R3HDM1: variants seen among roughly 807,000 people sequenced by gnomAD.
The protein encoded by R3HDM1 is R3H domain-containing protein 1.
R3HDM1 carries 46 observed loss-of-function variants against 141.1 expected under a neutral mutation model. The observed-to-expected ratio is 0.33, with a 90% CI of 0.26 to 0.42. The LOEUF is 0.42. Ranked by LOEUF, R3HDM1 falls within the 10% of genes least tolerant of loss-of-function variation. R3HDM1 has a pLI of 1.00. For missense variants in R3HDM1, 1,184 were observed against 1,368.3 expected (o/e 0.87, Z 2.12); for synonymous variants, 435 against 472.9 (o/e 0.92, Z 1.04).
chr2:135,670,261 A>G, intron 19 of R3HDM1: 3 of 926,308 alleles, frequency 3.2e-6, no homozygotes, highest in Non-Finnish European at 3.9e-6. Context: ...ATTATATTTT[A>G]AGTGAAAAGA....
At chr2:135,632,279 G>A (rs2062785715) in intron 9 of R3HDM1, among the ~76,000 whole-genome samples, 1 of 150,940 alleles carries the variant, frequency 6.6e-6, no homozygotes, top group African/African-American at 2.4e-5. Context: ...ACCACTCTTA[G>A]GGATTTTTAA....
In R3HDM1 at chr2:135,645,373, T is replaced by C; in HGVS notation, c.1475-6T>C. On this transcript the variant is annotated splice_polypyrimidine_tract_variant and splice_region_variant and intron_variant, in intron 15 of 26. Transcript: ENST00000683871. ...TTATTTTTTTCCCTCTTTTTGAATT[T>C]TTCAGGTCAGCCCTTCATAAACCCA... 1 of 1,584,174 alleles carries C rather than the reference T, an allele frequency of 6.3e-7. No individual in the cohort carries two copies. Among genetic ancestry groups the C allele is most frequent in the Non-Finnish European group, 8.6e-7 (1 of 1,161,664 alleles).
At chr2:135,580,209 C>T (rs926201345) in intron 1 of R3HDM1, among the ~76,000 whole-genome samples, 3 of 152,112 alleles carry the variant, frequency 2.0e-5, no homozygotes, top group African/African-American at 7.2e-5. Flanking sequence ...TGAGATCGCA[C>T]CACTGCACTC....
intron 3 of R3HDM1, among the ~76,000 whole-genome samples, chr2:135,613,177 C>T (rs2060701273): frequency 6.6e-6 from 1 of 152,108 alleles, no homozygotes; most frequent in Non-Finnish European, 1.5e-5. Flanking sequence ...CAGGCTGGGC[C>T]CTTTTCTGAA....
At position 135,685,553 on chromosome 2, in the gene R3HDM1, C is replaced by A. The variant is rs16831933; in HGVS notation, c.2459+5229C>A. On this transcript the variant is annotated intron_variant, in intron 21 of 26. Coordinates refer to ENST00000683871, the MANE Select transcript of R3HDM1 (RefSeq NM_001378107.1). ...GCCTGTATTTGTTTGTGTATTTCAC[C>A]ACACTGTACTTGTAACTGATGACTA... Among the ~76,000 whole-genome samples, 275 of 152,176 alleles carry A rather than the reference C, an allele frequency of 1.8e-3. 3 individuals are homozygous for A. Among genetic ancestry groups the A allele is most frequent in the African/African-American group, 6.4e-3 (265 of 41,512 alleles).
Position 135,715,578 on chromosome 2 carries a change from T to C in R3HDM1, c.2765T>C (p.Ile922Thr), listed in dbSNP as rs372275898. 2.2e-4 allele frequency: 361 copies of C among 1,614,134 alleles called. 1 individual carries two copies. The highest frequency in any genetic ancestry group is 2.8e-4 in the Non-Finnish European group (326 of 1,179,974). The change falls in exon 24 of 27, where the codon ATT (isoleucine) becomes ACT (threonine). Residue 922 changes from isoleucine (I) to threonine (T), a missense_variant. Coordinates refer to ENST00000683871, the MANE Select transcript of R3HDM1 (RefSeq NM_001378107.1). The stretch of plus-strand genomic sequence containing the variant: ...AGCCCTCAACTCAGTAGCCCCATTA[T>C]TTCACCAGCTCAGTCGCCAGCACCA... Reference protein sequence around the residue: ...QHSPQLSSPIISPAQSPAPAQ... With the variant: ...QHSPQLSSPITSPAQSPAPAQ...
intron 1 of R3HDM1, among the ~76,000 whole-genome samples, chr2:135,572,569 C>T (rs958863579): frequency 2.0e-5 from 3 of 152,304 alleles, no homozygotes; most frequent in South Asian, 2.1e-4. Context: ...AAATTGGAAC[C>T]GTCCTACATT....
chr2:135,613,137 C>T (rs574824931), intron 3 of R3HDM1, among the ~76,000 whole-genome samples: 4 of 152,266 alleles, frequency 2.6e-5, no homozygotes, highest in South Asian at 2.1e-4. Flanking sequence ...CTGTGTTGTC[C>T]GCTTAGGGTT....
intron 19 of R3HDM1, chr2:135,670,435 T>C (rs1242313568): frequency 2.1e-6 from 2 of 951,608 alleles, no homozygotes; most frequent in African/African-American, 1.8e-5. Flanking sequence ...GGTCTAAATA[T>C]GTTTTGAAGA....
At chr2:135,540,785 C>A (rs1697311818) in intron 1 of R3HDM1, among the ~76,000 whole-genome samples, 1 of 152,158 alleles carries the variant, frequency 6.6e-6, no homozygotes, top group African/African-American at 2.4e-5. Context: ...TACCCAGTTG[C>A]ATCAGAGGAA....
chr2:135,714,800 A>G lies in R3HDM1; in HGVS notation c.2737-750A>G, dbSNP rs1382643156. On this transcript the variant is annotated intron_variant, in intron 23 of 26. Transcript: ENST00000683871. ...ACACACACACACACACAGAGAAAGC[A>G]GTGTAATAAAAGTTAAGATCATTTG... Among the ~76,000 whole-genome samples the G allele has an allele frequency of 2.0e-5, 3 of 151,860 alleles. No individual in the cohort carries two copies. In the East Asian group the frequency reaches 5.8e-4, roughly 29 times the overall value.
intron 1 of R3HDM1, chr2:135,566,536 T>C (rs1219205137): frequency 6.4e-6 from 1 of 156,754 alleles, no homozygotes; most frequent in East Asian, 1.9e-4. Context: ...TTATATATGC[T>C]AATGATGTTT....
chr2:135,565,611 T>C (rs903793041), intron 1 of R3HDM1: 3 of 152,112 alleles, frequency 2.0e-5, no homozygotes, highest in African/African-American at 7.2e-5. Context: ...TCAGGTATGT[T>C]CATCTTTTTC....
At chr2:135,720,132 C>T (rs1367206363) in intron 24 of R3HDM1, among the ~76,000 whole-genome samples, 3 of 152,194 alleles carry the variant, frequency 2.0e-5, no homozygotes, top group Admixed American at 6.5e-5. Flanking sequence ...CGTGAGCCAC[C>T]GCGCCCGGCC....
intron 24 of R3HDM1, 80 bp from the exon 25 acceptor site, chr2:135,721,841 GCCT>G: frequency 2.5e-6 from 3 of 1,212,164 alleles, no homozygotes; most frequent in Non-Finnish European, 3.6e-6. Flanking sequence ...GCCTGCCTCA[GCCT>G]CCCAAATTGC....
intron 7 of R3HDM1, among the ~76,000 whole-genome samples, chr2:135,624,041 G>C (rs2061756975): frequency 6.6e-6 from 1 of 152,180 alleles, no homozygotes; most frequent in African/African-American, 2.4e-5. Context: ...CCAAGGCATA[G>C]TTATGTGAGA....
At chr2:135,702,867 G>A (rs1204180964) in intron 21 of R3HDM1, among the ~76,000 whole-genome samples, 1 of 152,048 alleles carries the variant, frequency 6.6e-6, no homozygotes, top group Non-Finnish European at 1.5e-5. Flanking sequence ...GACTTAAGAG[G>A]TGGCAAAAGA....
At chr2:135,685,348 G>A (rs939968176) in intron 21 of R3HDM1, among the ~76,000 whole-genome samples, 1 of 151,846 alleles carries the variant, frequency 6.6e-6, no homozygotes. Flanking sequence ...GATATGGTAC[G>A]GCAACATGAA....
At chr2:135,701,436 A>T (rs1390469731) in intron 21 of R3HDM1, among the ~76,000 whole-genome samples, 1 of 152,136 alleles carries the variant, frequency 6.6e-6, no homozygotes, top group African/African-American at 2.4e-5. Context: ...ACACATGCAT[A>T]CATATAAATG....
Sources: gnomAD v4.1 joint callset for allele counts (sites outside exome capture counted in the v4.1 genomes callset) on GRCh38, gnomAD v4.1.1 for gene constraint, MANE v1.5 for transcripts, NCBI Gene and HGNC (gene_info 2026-07-23, HGNC 2026-07-21) for gene names.